Variants in NOSTRIN observed in about 807,000 individuals in gnomAD.
NOSTRIN encodes BM247 homolog.
In NOSTRIN, 63 loss-of-function variants were observed where a neutral mutation model predicts 59.0. That is an observed-to-expected ratio of 1.07 (90% CI 0.87 to 1.32). The LOEUF (loss-of-function observed/expected upper bound fraction) is 1.32. Among genes scored for constraint, NOSTRIN ranks in the 40% most tolerant of loss-of-function variants. NOSTRIN has a pLI of 0.00. For synonymous variants in NOSTRIN, 200 were observed against 165.4 expected (o/e 1.21, Z -1.61); for missense variants, 512 against 473.1 (o/e 1.08, Z -0.76).
intron 5 of NOSTRIN, among the ~76,000 whole-genome samples, chr2:168,828,704 A>G (rs1271592539): frequency 6.6e-6 from 1 of 152,112 alleles, no homozygotes; most frequent in Non-Finnish European, 1.5e-5. Flanking sequence ...TTGTTAGAGC[A>G]TTGCTTATAA....
intron 15 of NOSTRIN, 83 bp downstream of exon 15, chr2:168,862,132 C>A: frequency 1.6e-6 from 2 of 1,232,692 alleles, no homozygotes; most frequent in East Asian, 2.4e-5. Flanking sequence ...AGTGTGGCAG[C>A]CTTAAGAGTT....
At chr2:168,807,264 A>G (rs1030135220) in intron 1 of NOSTRIN, among the ~76,000 whole-genome samples, 5 of 152,062 alleles carry the variant, frequency 3.3e-5, no homozygotes, top group African/African-American at 1.2e-4. Flanking sequence ...ACACACACAC[A>G]TACATACACA....
chr2:168,803,739 G>A (rs115740077), intron 1 of NOSTRIN, among the ~76,000 whole-genome samples: 577 of 152,198 alleles, frequency 3.8e-3, no homozygotes, highest in African/African-American at 0.013. Context: ...GCTTAATGTA[G>A]AAACAAATTC....
At chr2:168,859,451 C>T in intron 12 of NOSTRIN, 61 bp from the exon 13 acceptor site, 1 of 1,591,758 alleles carries the variant, frequency 6.3e-7, no homozygotes, top group East Asian at 2.3e-5. Context: ...TCTGATATTC[C>T]TATCCAGTTG....
upstream of NOSTRIN, among the ~76,000 whole-genome samples, chr2:168,797,735 TG>T (rs922208541): frequency 1.3e-5 from 2 of 151,992 alleles, no homozygotes; most frequent in African/African-American, 4.8e-5. Context: ...CCCAGCACTT[TG>T]GGAGGCCAAG....
chr2:168,863,864 T>A (rs1000771286), intron 15 of NOSTRIN, among the ~76,000 whole-genome samples: 10 of 151,794 alleles, frequency 6.6e-5, no homozygotes, highest in Non-Finnish European at 1.5e-4. Flanking sequence ...TACATAGAAA[T>A]AGAAAGTGAG....
intron 1 of NOSTRIN, among the ~76,000 whole-genome samples, chr2:168,805,254 AG>A (rs1449267389): frequency 6.6e-6 from 1 of 152,226 alleles, no homozygotes. Context: ...AATTGTTGCC[AG>A]GGTGGCATAA....
chr2:168,863,432 G>A lies in NOSTRIN; in HGVS notation c.1384+1383G>A, dbSNP rs16856067. 3,885 of 985,094 alleles carry A rather than the reference G, an allele frequency of 3.9e-3. 106 individuals are homozygous for A. The African/African-American group carries it at 0.059, about 15-fold the overall frequency. 61.0% of individuals were successfully genotyped at this position (985,094 alleles called of 1,614,324 possible). On this transcript the variant is annotated intron_variant, in intron 15 of 15. Transcript: ENST00000317647. ...GAAGACTGAAAAATCACCTCAGAATGATGCCAAATAAAAAGTAGCTCTTGG... is the reference window on the plus strand; with the variant it reads ...GAAGACTGAAAAATCACCTCAGAATAATGCCAAATAAAAAGTAGCTCTTGG...
At chr2:168,862,154 A>ACCCTTCTTG in intron 15 of NOSTRIN, 105 bp downstream of exon 15, 1 of 929,138 alleles carries the variant, frequency 1.1e-6, no homozygotes, top group Non-Finnish European at 1.7e-6. Flanking sequence ...CTACCATGTC[A>ACCCTTCTTG]AATCAGTTCA....
At chr2:168,807,734 G>A (rs552588591) in intron 1 of NOSTRIN, among the ~76,000 whole-genome samples, 10 of 152,274 alleles carry the variant, frequency 6.6e-5, no homozygotes, top group South Asian at 6.2e-4. Flanking sequence ...AGCGAGGTAC[G>A]AGGCAAAGCC....
chr2:168,789,924 C>T (rs1685304840), intron 2 of NOSTRIN, among the ~76,000 whole-genome samples: 1 of 152,214 alleles, frequency 6.6e-6, no homozygotes, highest in Non-Finnish European at 1.5e-5. Context: ...AGCAGAACCA[C>T]CTCACTGGGG....
chr2:168,860,785 A>C lies in NOSTRIN; in HGVS notation c.1180-10A>C. 6.6e-7 allele frequency: 1 copy of C among 1,520,338 alleles called. No homozygotes were observed. The highest frequency in any genetic ancestry group is 9.1e-7 in the Non-Finnish European group (1 of 1,096,108). The allele number at this position is 1,520,338 out of a possible 1,614,324, so 94.2% of individuals were successfully genotyped here. On this transcript the variant is annotated splice_polypyrimidine_tract_variant and intron_variant, in intron 13 of 15. Transcript: ENST00000317647. ...GTTACAAAATATGACTTTTTATGTC[A>C]TTTGAACAGGAGCATACTCATAGCT...
intron 8 of NOSTRIN, among the ~76,000 whole-genome samples, chr2:168,845,693 C>G (rs1256855239): frequency 6.6e-6 from 1 of 152,068 alleles, no homozygotes; most frequent in African/African-American, 2.4e-5. Context: ...TACAGTCTTC[C>G]TGATGGTAAC....
chr2:168,834,507 G>GCGCGCACGCACACA (rs756381301), intron 7 of NOSTRIN, among the ~76,000 whole-genome samples, 182 bp downstream of exon 7: 1 of 125,342 alleles, frequency 8.0e-6, no homozygotes, highest in South Asian at 2.8e-4. Flanking sequence ...GCGCGCGCGC[G>GCGCGCACGCACACA]CACACACACA....
chr2:168,803,375 G>T (rs1441393689), intron 1 of NOSTRIN, among the ~76,000 whole-genome samples: 1 of 152,098 alleles, frequency 6.6e-6, no homozygotes, highest in Non-Finnish European at 1.5e-5. Flanking sequence ...AATTAAGGAG[G>T]GTCAGTGTTT....
At chr2:168,836,628 C>A (rs575308041) in intron 7 of NOSTRIN, among the ~76,000 whole-genome samples, 1 of 149,304 alleles carries the variant, frequency 6.7e-6, no homozygotes, top group South Asian at 2.1e-4. Flanking sequence ...TGATCTAAAC[C>A]TCCGTTCTCC....
At chr2:168,828,260 G>C in intron 4 of NOSTRIN, 40 bp downstream of exon 4, 1 of 872,668 alleles carries the variant, frequency 1.1e-6, no homozygotes, top group Non-Finnish European at 2.0e-6. Context: ...ACTCCAAAGG[G>C]AATCAAATAT....
intron 2 of NOSTRIN, among the ~76,000 whole-genome samples, chr2:168,817,352 C>T (rs1429142802): frequency 6.6e-6 from 1 of 152,190 alleles, no homozygotes; most frequent in Non-Finnish European, 1.5e-5. Flanking sequence ...GGCTTTCAAA[C>T]CTTATAGCTC....
intron 1 of NOSTRIN, among the ~76,000 whole-genome samples, chr2:168,803,303 A>C (rs911881494): frequency 2.5e-4 from 38 of 152,188 alleles, no homozygotes; most frequent in African/African-American, 8.7e-4. Flanking sequence ...GCAGAGATGT[A>C]ATTTAGGAGA....
Sources: gnomAD v4.1 joint callset for allele counts (sites outside exome capture counted in the v4.1 genomes callset) on GRCh38, gnomAD v4.1.1 for gene constraint, MANE v1.5 for transcripts, NCBI Gene and HGNC (gene_info 2026-07-23, HGNC 2026-07-21) for gene names.